The following OLA1 variants were observed in gnomAD, a reference collection of about 807,000 sequenced individuals.
The protein encoded by OLA1 is obg-like ATPase 1.
A neutral mutation model predicts 48.4 loss-of-function variants in OLA1; 14 were observed. That is an observed-to-expected ratio of 0.29 (90% confidence interval 0.19 to 0.45). The LOEUF (loss-of-function observed/expected upper bound fraction) is 0.45. OLA1 is among the 20% of genes least tolerant of loss of function. The pLI, the probability that OLA1 is intolerant of heterozygous loss-of-function variation, is 1.00. For missense variants in OLA1, 325 were observed against 467.1 expected (o/e 0.70, Z 2.80); for synonymous variants, 127 against 150.4 (o/e 0.84, Z 1.14).
intron 4 of OLA1, among the ~76,000 whole-genome samples, chr2:174,150,370 C>T (rs916344610): frequency 6.6e-6 from 1 of 152,144 alleles, no homozygotes; most frequent in African/African-American, 2.4e-5. Flanking sequence ...CAGCTGCAGC[C>T]CGCTGAGCTT....
At chr2:174,191,207 T>C (rs1193703679) in intron 4 of OLA1, among the ~76,000 whole-genome samples, 1 of 152,132 alleles carries the variant, frequency 6.6e-6, no homozygotes, top group Admixed American at 6.5e-5. Context: ...GAAAACATCA[T>C]GTTGTACAAC....
chr2:174,170,964 C>T lies in OLA1; in HGVS notation c.374-28964G>A, dbSNP rs548426612. 3.9e-5 allele frequency among the ~76,000 whole-genome samples: 6 copies of T among 152,182 alleles called. No individual in the cohort carries two copies. In the South Asian group the frequency reaches 6.2e-4, roughly 16 times the overall value. Reference sequence around the variant, plus strand: ...TGGATGGAAAACAGTAAGTATAAGACGGCTATAGTAGCTGTATTAATATCA... The same window carrying T: ...TGGATGGAAAACAGTAAGTATAAGATGGCTATAGTAGCTGTATTAATATCA... On this transcript the variant is annotated intron_variant, in intron 4 of 10. Coordinates refer to ENST00000284719, the MANE Select transcript of OLA1 (RefSeq NM_013341.5).
rs769553442 is a variant in OLA1, at chr2:174,123,160, T to A, written c.728+20A>T. 17 of 1,154,808 alleles carry A rather than the reference T, an allele frequency of 1.5e-5. No individual in the cohort carries two copies. The highest frequency in any genetic ancestry group is 2.0e-5 in the Non-Finnish European group (15 of 767,450). The allele number at this position is 1,154,808 out of a possible 1,614,324, so 71.5% of individuals were successfully genotyped here. A position where few individuals can be genotyped will look rare whatever the true frequency, so the allele number is the denominator to read the frequency against. On this transcript the variant is annotated intron_variant, in intron 7 of 10. Coordinates refer to ENST00000284719, the MANE Select transcript of OLA1 (RefSeq NM_013341.5). ...TACAGAGATGATGCATCTGGGTATA[T>A]CTGGTGAGGAAAAACTTACCATTTG...
intron 2 of OLA1, among the ~76,000 whole-genome samples, chr2:174,231,739 T>C (rs988562594): frequency 2.3e-4 from 35 of 152,174 alleles, no homozygotes; most frequent in Non-Finnish European, 8.8e-5. Context: ...AAGTCATCTG[T>C]AGCTTCTAAC....
chr2:174,118,974 A>G (rs67607424), intron 7 of OLA1, among the ~76,000 whole-genome samples: 17,530 of 152,070 alleles, frequency 0.12, 2,314 homozygotes, highest in East Asian at 0.72. Context: ...TTATCTCTCG[A>G]TAAGAATATG....
At chr2:174,109,955 C>T (rs1685607894) in intron 7 of OLA1, among the ~76,000 whole-genome samples, 1 of 152,116 alleles carries the variant, frequency 6.6e-6, no homozygotes, top group African/African-American at 2.4e-5. Flanking sequence ...CTCTCTCTTC[C>T]CACCCTCTTT....
intron 4 of OLA1, among the ~76,000 whole-genome samples, chr2:174,144,675 C>T (rs1055809915): frequency 4.0e-5 from 6 of 151,182 alleles, no homozygotes; most frequent in Non-Finnish European, 2.9e-5. Flanking sequence ...CTTTGAGGCC[C>T]GGCATGGTGG....
chr2:174,146,397 T>C (rs932476687), intron 4 of OLA1, among the ~76,000 whole-genome samples: 9 of 152,182 alleles, frequency 5.9e-5, no homozygotes, highest in Admixed American at 2.6e-4. Flanking sequence ...GTGGCTTTAG[T>C]GGTGCCAATG....
chr2:174,172,504 A>G (rs1687333081), intron 4 of OLA1: 2 of 159,098 alleles, frequency 1.3e-5, no homozygotes, highest in African/African-American at 2.4e-5. Context: ...TGCGGGGAGA[A>G]GTGCTGGAGG....
At chr2:174,167,507 C>T (rs987876441) in intron 4 of OLA1, among the ~76,000 whole-genome samples, 14 of 152,172 alleles carry the variant, frequency 9.2e-5, no homozygotes, top group African/African-American at 1.9e-4. Context: ...ACCTGTGAGG[C>T]GGAGGTTGCA....
At chr2:174,222,120 T>C (rs2105449970) in intron 4 of OLA1, among the ~76,000 whole-genome samples, 1 of 152,294 alleles carries the variant, frequency 6.6e-6, no homozygotes, top group East Asian at 1.9e-4. Flanking sequence ...GCAATTACTT[T>C]TGCACCAACC....
rs1184321607 is a variant in OLA1, at chr2:174,226,011, G to A, written c.246-2851C>T. Among the ~76,000 whole-genome samples, 2 of 55,672 alleles carry A rather than the reference G, an allele frequency of 3.6e-5. 1 individual carries two copies. Among genetic ancestry groups the A allele is most frequent in the Non-Finnish European group, 7.5e-5 (2 of 26,620 alleles). The allele number at this position is 55,672 out of a possible 152,430, so 36.5% of individuals were successfully genotyped here. A position where few individuals can be genotyped will look rare whatever the true frequency, so the allele number is the denominator to read the frequency against. On this transcript the variant is annotated intron_variant, in intron 3 of 10. Coordinates refer to ENST00000284719, the MANE Select transcript of OLA1 (RefSeq NM_013341.5). ...AGATCGAGACCATCCCGGCTAAAAC[G>A]GTGAAACCCCGTCTCTACTAAAAAA...
intron 7 of OLA1, among the ~76,000 whole-genome samples, chr2:174,119,365 T>C (rs1217078037): frequency 6.6e-6 from 1 of 152,166 alleles, no homozygotes; most frequent in African/African-American, 2.4e-5. Context: ...GTCTGTGTTA[T>C]ATTTCTAGCT....
At chr2:174,218,015 A>T (rs528106597) in intron 4 of OLA1, 2 of 150,704 alleles carry the variant, frequency 1.3e-5, no homozygotes, top group African/African-American at 2.5e-5. Flanking sequence ...TTTTTTTTTT[A>T]AAGAAGCAAA....
At chr2:174,247,653 C>A in intron 1 of OLA1, 1 of 1,550,812 alleles carries the variant, frequency 6.4e-7, no homozygotes, top group Non-Finnish European at 8.7e-7. Context: ...CCATTTTTCA[C>A]ATAGATGAAC....
intron 1 of OLA1, 175 bp from the exon 2 acceptor site, chr2:174,246,990 A>G (rs999925283): frequency 1.2e-5 from 5 of 434,014 alleles, no homozygotes; most frequent in Non-Finnish European, 2.1e-5. Flanking sequence ...AAAAATGTTT[A>G]AAAAGTTCTG....
chr2:174,103,519 C>T (rs1382064499), intron 7 of OLA1, among the ~76,000 whole-genome samples: 1 of 152,172 alleles, frequency 6.6e-6, no homozygotes, highest in Non-Finnish European at 1.5e-5. Flanking sequence ...CTGGCATACA[C>T]AGCCTATCCA....
chr2:174,120,574 C>A (rs750933274), intron 7 of OLA1, among the ~76,000 whole-genome samples: 2 of 152,164 alleles, frequency 1.3e-5, no homozygotes, highest in Non-Finnish European at 2.9e-5. Flanking sequence ...GGTCTTTAGT[C>A]ATAAATCAAT....
chr2:174,224,136 A>G (rs1219038897), intron 3 of OLA1, among the ~76,000 whole-genome samples: 1 of 152,226 alleles, frequency 6.6e-6, no homozygotes, highest in Non-Finnish European at 1.5e-5. Flanking sequence ...TGGCATGGAA[A>G]ATGAGTCCTT....
Sources: allele counts gnomAD v4.1 joint callset (sites outside exome capture counted in the v4.1 genomes callset), GRCh38; gene constraint gnomAD v4.1.1; transcripts MANE v1.5; gene names NCBI Gene and HGNC (gene_info 2026-07-23, HGNC 2026-07-21).